GSE1: variants seen among roughly 807,000 people sequenced by gnomAD.
GSE1 encodes genetic suppressor element 1.
Under a neutral mutation model 112.6 loss-of-function variants are expected in GSE1, and 32 were observed. The ratio of observed to expected loss-of-function variants is 0.28; its 90% confidence interval spans 0.21 to 0.38. GSE1 has a LOEUF of 0.38. GSE1 is among the 10% of genes least tolerant of loss of function. The probability of loss-of-function intolerance (pLI) is 1.00; values close to 1 mark genes in which losing one functional copy is unlikely to be tolerated. For missense variants in GSE1, 2,348 were observed against 1,699.2 expected (o/e 1.38, Z -6.71); for synonymous variants, 1,115 against 735.6 (o/e 1.52, Z -8.35).
In GSE1 at chr16:85,548,793, G is replaced by T. The variant is rs1450002573; in HGVS notation, c.2465-85121G>T. Among the ~76,000 whole-genome samples the T allele has an allele frequency of 2.0e-5, 3 of 152,076 alleles. No homozygotes were observed. The East Asian group carries it at 5.8e-4, about 29-fold the overall frequency. ...ATCATCCAGGATGATCTGGTCTGGGGATTCTTTTTTTGTTGGAGACGGAGT... is the reference window on the plus strand; with the variant it reads ...ATCATCCAGGATGATCTGGTCTGGGTATTCTTTTTTTGTTGGAGACGGAGT... On this transcript the variant is annotated intron_variant, in intron 2 of 2. Transcript: ENST00000637419.
chr16:85,585,732 G>T (rs2046662341), intron 1 of GSE1, among the ~76,000 whole-genome samples: 2 of 152,206 alleles, frequency 1.3e-5, no homozygotes, highest in Admixed American at 1.3e-4. Flanking sequence ...CTTGTTTATA[G>T]AGCTGACGGC....
rs1165734643 is a variant in GSE1, at chr16:85,226,760, T to G, written c.2283+54953T>G. 9.0e-4 allele frequency among the ~76,000 whole-genome samples: 3 copies of G among 3,320 alleles called. No individual in the cohort carries two copies. In the East Asian group the frequency reaches 0.012, roughly 13 times the overall value. 2.2% of individuals were successfully genotyped at this position (3,320 alleles called of 152,430 possible). ...CTGCCTGTGGTGCTGCCTGGACTGG[T>G]GTGTGTGTGTGTGTGTGTGTGTGTG... On this transcript the variant is annotated intron_variant, in intron 1 of 2. Transcript: ENST00000637419.
chr16:85,441,705 G>A (rs1201694695), intron 2 of GSE1, among the ~76,000 whole-genome samples: 1 of 152,174 alleles, frequency 6.6e-6, no homozygotes, highest in Non-Finnish European at 1.5e-5. Flanking sequence ...GTCTTGAGGG[G>A]TGTGTAGGAG....
intron 2 of GSE1, among the ~76,000 whole-genome samples, chr16:85,634,814 T>A (rs1003422926): frequency 1.3e-5 from 2 of 152,180 alleles, no homozygotes; most frequent in African/African-American, 4.8e-5. Flanking sequence ...TCTGGGGTAC[T>A]TTTTGGCGCC....
chr16:85,307,394 A>T (rs2045709177), intron 1 of GSE1, among the ~76,000 whole-genome samples: 1 of 152,188 alleles, frequency 6.6e-6, no homozygotes, highest in Non-Finnish European at 1.5e-5. Context: ...GCCCCAGGAC[A>T]GCGCTCAGTT....
chr16:85,542,169 T>C (rs2044543171), intron 2 of GSE1, among the ~76,000 whole-genome samples: 1 of 152,174 alleles, frequency 6.6e-6, no homozygotes, highest in Non-Finnish European at 1.5e-5. Context: ...TTGGAATTTG[T>C]AGAGTCAGGG....
chr16:85,343,276 A>G (rs574159562), intron 1 of GSE1, among the ~76,000 whole-genome samples: 41 of 152,292 alleles, frequency 2.7e-4, no homozygotes, highest in African/African-American at 9.6e-4. Context: ...GTGTGATTCC[A>G]TTTCCATTAC....
intron 15 of GSE1, 132 bp from the exon 16 acceptor site, chr16:85,672,273 G>A: frequency 2.9e-6 from 2 of 681,372 alleles, no homozygotes; most frequent in Non-Finnish European, 2.6e-6. Context: ...GGGATTACAG[G>A]CGTGAGCCAC....
At chr16:85,182,801 G>C (rs2074617579) in intron 1 of GSE1, among the ~76,000 whole-genome samples, 1 of 152,026 alleles carries the variant, frequency 6.6e-6, no homozygotes, top group African/African-American at 2.4e-5. Context: ...GCATGAGATG[G>C]GAGTGAAGCC....
At chr16:85,658,888 C>G (rs1198514137) in intron 8 of GSE1, among the ~76,000 whole-genome samples, 1 of 152,204 alleles carries the variant, frequency 6.6e-6, no homozygotes. Context: ...GTGTAGCTGC[C>G]CCATCCGGAC....
intron 1 of GSE1, among the ~76,000 whole-genome samples, chr16:85,568,129 G>A (rs145616320): frequency 1.3e-5 from 2 of 152,350 alleles, no homozygotes; most frequent in East Asian, 3.9e-4. Flanking sequence ...AGCTACACAT[G>A]CTCCACCCAC....
At chr16:85,182,198 C>T (rs1011997684) in intron 1 of GSE1, among the ~76,000 whole-genome samples, 2 of 152,086 alleles carry the variant, frequency 1.3e-5, no homozygotes, top group African/African-American at 4.8e-5. Context: ...GTAGTCTGGG[C>T]TCCTGTGGGG....
At chr16:85,357,359 G>A in intron 1 of GSE1, 2 of 723,592 alleles carry the variant, frequency 2.8e-6, no homozygotes, top group Non-Finnish European at 3.7e-6. Flanking sequence ...CCAAGGCCAG[G>A]CCATCGTCGG....
At chr16:85,440,931 A>G (rs950124278) in intron 2 of GSE1, among the ~76,000 whole-genome samples, 2 of 152,148 alleles carry the variant, frequency 1.3e-5, no homozygotes, top group Admixed American at 6.5e-5. Flanking sequence ...CCTCGTGGCA[A>G]TTCGAGCCCT....
At chr16:85,609,189 C>T (rs531044038), upstream of GSE1, among the ~76,000 whole-genome samples, 1 of 152,332 alleles carries the variant, frequency 6.6e-6, no homozygotes, top group South Asian at 2.1e-4. Flanking sequence ...CTTGAAGTGT[C>T]CCCTCTGTCA....
chr16:85,671,452 AAAAAAG>A (rs1270545674), intron 15 of GSE1, among the ~76,000 whole-genome samples: 2 of 148,966 alleles, frequency 1.3e-5, no homozygotes, highest in Non-Finnish European at 3.0e-5. Flanking sequence ...AAAAAAAAAA[AAAAAAG>A]ATCAAAATTT....
At chr16:85,449,627 T>G (rs1421076976) in intron 2 of GSE1, among the ~76,000 whole-genome samples, 1 of 152,226 alleles carries the variant, frequency 6.6e-6, no homozygotes, top group African/African-American at 2.4e-5. Flanking sequence ...CCCAAATGCC[T>G]TGTTCCCAGC....
intron 2 of GSE1, among the ~76,000 whole-genome samples, chr16:85,635,694 C>T (rs1285278987): frequency 1.3e-5 from 2 of 152,170 alleles, no homozygotes; most frequent in African/African-American, 4.8e-5. Context: ...TGAGGGATTT[C>T]CGAGGCCACG....
rs777683191 is a variant in GSE1 at position 85,560,228 on chromosome 16, C to T, written c.37+3865C>T. Among the ~76,000 whole-genome samples the T allele has an allele frequency of 4.0e-5, 6 of 151,576 alleles. No individual in the cohort carries two copies. In the South Asian group the frequency reaches 8.4e-4, roughly 21 times the overall value. On this transcript the variant is annotated intron_variant, in intron 1 of 2. Coordinates refer to the GSE1 transcript ENST00000635906. ...TCGGCTCACTGCAACCTCCGCCTCC[C>T]GGGTTCAAGCGATTGTCCTGCCTCA...
Sources: gnomAD v4.1 joint callset for allele counts (sites outside exome capture counted in the v4.1 genomes callset) on GRCh38, gnomAD v4.1.1 for gene constraint, MANE v1.5 for transcripts, NCBI Gene and HGNC (gene_info 2026-07-23, HGNC 2026-07-21) for gene names.